The following USP25 variants were observed in gnomAD, a reference collection of about 807,000 sequenced individuals.
The protein encoded by USP25 is ubiquitin carboxyl-terminal hydrolase 25.
In USP25, 85 loss-of-function variants were observed where a neutral mutation model predicts 158.5. The observed-to-expected ratio is 0.54, with a 90% CI of 0.45 to 0.64. The LOEUF is 0.64. Ranked by LOEUF, USP25 falls within the 30% of genes least tolerant of loss-of-function variation. The pLI, the probability that USP25 is intolerant of heterozygous loss-of-function variation, is 0.00. For synonymous variants in USP25, 464 were observed against 460.4 expected (o/e 1.01, Z -0.10); for missense variants, 1,242 against 1,327.3 (o/e 0.94, Z 1.00).
intron 1 of USP25, among the ~76,000 whole-genome samples, chr21:15,746,824 A>G (rs1301654419): frequency 6.6e-6 from 1 of 152,222 alleles, no homozygotes; most frequent in Non-Finnish European, 1.5e-5. Flanking sequence ...TACCACTTTT[A>G]TTCATTTTAA....
rs190410827 is a variant in USP25 at position 15,853,521 on chromosome 21, C to T, written c.2547+3649C>T. Among the ~76,000 whole-genome samples the T allele has an allele frequency of 1.5e-3, 221 of 152,146 alleles. 2 individuals are homozygous for T. Among genetic ancestry groups the T allele is most frequent in the East Asian group, 3.1e-3 (16 of 5,188 alleles). On this transcript the variant is annotated intron_variant, in intron 20 of 25. Coordinates refer to ENST00000400183, the MANE Select transcript of USP25 (RefSeq NM_001283041.3). ...TAAACAGGTTTTAAAATAGTATGTT[C>T]GTTTTCCTACTTTATGGATTTTTTT...
intron 10 of USP25, among the ~76,000 whole-genome samples, chr21:15,823,144 G>A (rs2037318924): frequency 6.6e-6 from 1 of 152,022 alleles, no homozygotes; most frequent in South Asian, 2.1e-4. Context: ...ACACACAATA[G>A]ATTATGCAGC....
chr21:15,863,139 T>C (rs945076686), intron 20 of USP25, among the ~76,000 whole-genome samples: 2 of 152,088 alleles, frequency 1.3e-5, no homozygotes, highest in Non-Finnish European at 1.5e-5. Flanking sequence ...TATGGTCCTC[T>C]TGTACATAGC....
At chr21:15,752,296 A>ACC (rs1169138029) in intron 1 of USP25, among the ~76,000 whole-genome samples, 1 of 150,102 alleles carries the variant, frequency 6.7e-6, no homozygotes, top group Non-Finnish European at 1.5e-5. Flanking sequence ...ACTCACTGCA[A>ACC]CCTCCACCTC....
intron 5 of USP25, among the ~76,000 whole-genome samples, chr21:15,796,395 T>C (rs1344473005): frequency 6.6e-6 from 1 of 151,422 alleles, no homozygotes; most frequent in East Asian, 1.9e-4. Flanking sequence ...CATCACAGAG[T>C]ACTAAAGCAG....
chr21:15,878,012 T>TA lies in USP25; in HGVS notation c.3205+22dup, dbSNP rs781675651. On this transcript the variant is annotated intron_variant, in intron 25 of 25. Coordinates refer to ENST00000400183, the MANE Select transcript of USP25 (RefSeq NM_001283041.3). ...GGAACGTAAGTTTAAACAATGGTAGTAGGCACCTGAGATGTCCGGATTAAA... is the reference window on the plus strand; with the variant it reads ...GGAACGTAAGTTTAAACAATGGTAGTAAGGCACCTGAGATGTCCGGATTAAA... 2.4e-5 allele frequency: 38 copies of TA among 1,585,594 alleles called. 1 individual carries two copies. The South Asian group carries it at 4.1e-4, about 17-fold the overall frequency.
chr21:15,836,116 C>T (rs1303340993), intron 17 of USP25, among the ~76,000 whole-genome samples: 1 of 152,102 alleles, frequency 6.6e-6, no homozygotes, highest in African/African-American at 2.4e-5. Context: ...CAGGTGTTCA[C>T]TAGTATTACC....
At chr21:15,741,813 A>AT (rs1002406319) in intron 1 of USP25, among the ~76,000 whole-genome samples, 4 of 152,066 alleles carry the variant, frequency 2.6e-5, no homozygotes, top group African/African-American at 9.7e-5. Context: ...AGATTGCACA[A>AT]TTTTTTTTGT....
chr21:15,867,587 ACAT>A (rs2039711390), intron 22 of USP25, among the ~76,000 whole-genome samples: 1 of 152,176 alleles, frequency 6.6e-6, no homozygotes, highest in South Asian at 2.1e-4. Flanking sequence ...AGAAACAAAG[ACAT>A]CATTATTTGT....
chr21:15,756,317 G>A (rs1015456844), intron 1 of USP25, among the ~76,000 whole-genome samples: 1 of 152,162 alleles, frequency 6.6e-6, no homozygotes, highest in Non-Finnish European at 1.5e-5. Flanking sequence ...GGAGGCAGGA[G>A]AATGTTGGAG....
rs148290205 is a variant in USP25, at chr21:15,841,876, G to T, written c.2195-522G>T. On this transcript the variant is annotated intron_variant, in intron 17 of 25. Coordinates refer to ENST00000400183, the MANE Select transcript of USP25 (RefSeq NM_001283041.3). ...TCTGGAACTCAAAAGATGGATAGGA[G>T]ATATCGTGAATTTTTATTGGTACCA... 4.4e-3 allele frequency among the ~76,000 whole-genome samples: 670 copies of T among 152,264 alleles called. 3 individuals carry two copies. Among genetic ancestry groups the T allele is most frequent in the Admixed American group, 9.0e-3 (138 of 15,290 alleles).
At chr21:15,790,113 C>A (rs1263808360) in intron 4 of USP25, among the ~76,000 whole-genome samples, 1 of 151,860 alleles carries the variant, frequency 6.6e-6, no homozygotes, top group African/African-American at 2.4e-5. Flanking sequence ...GTAGAATGTT[C>A]TAGATATTCT....
In USP25 at chr21:15,766,113, C is replaced by T. The variant is rs2034024528; in HGVS notation, c.240C>T (p.Tyr80=). 4 of 1,606,862 alleles carry T rather than the reference C, an allele frequency of 2.5e-6. No homozygotes were observed. The highest frequency in any genetic ancestry group is 3.4e-6 in the Non-Finnish European group (4 of 1,177,132). The change falls in exon 3 of 26, where the codon TAC becomes TAT. Residue 80 remains tyrosine, a synonymous_variant. Coordinates refer to ENST00000400183, the MANE Select transcript of USP25 (RefSeq NM_001283041.3). The surrounding 1 kb of genome is among the most constrained non-coding windows in gnomAD (Gnocchi z 4.0). ...YQTALPGNDR[Y]ISVGSQADTN... is the part of the protein sequence containing the mutation. ...CAGCACTTCCTGGCAATGATAGATA[C>T]ATCAGTGTGGGAAGCCAAGCAGATA...
intron 18 of USP25, among the ~76,000 whole-genome samples, chr21:15,842,987 A>G (rs1326596552): frequency 3.3e-5 from 5 of 152,142 alleles, no homozygotes; most frequent in African/African-American, 1.2e-4. Flanking sequence ...AGTATTATTT[A>G]AAACTACTAG....
intron 20 of USP25, among the ~76,000 whole-genome samples, chr21:15,858,552 T>C (rs2039269834): frequency 6.6e-6 from 1 of 152,090 alleles, no homozygotes; most frequent in African/African-American, 2.4e-5. Context: ...ATTGAACTCT[T>C]TGTTTTCTAA....
chr21:15,849,930 A>G, intron 20 of USP25, 58 bp downstream of exon 20: 1 of 1,278,298 alleles, frequency 7.8e-7, no homozygotes, highest in Non-Finnish European at 1.1e-6. Context: ...ACTTCTTAAA[A>G]TATTTTATTT....
intron 1 of USP25, among the ~76,000 whole-genome samples, chr21:15,761,847 A>C (rs546355585): frequency 6.6e-6 from 1 of 152,178 alleles, no homozygotes; most frequent in Non-Finnish European, 1.5e-5. Flanking sequence ...CTTTTTAATA[A>C]ACTTTCACTC....
At chr21:15,767,268 A>G (rs1171026598) in intron 3 of USP25, among the ~76,000 whole-genome samples, 1 of 151,880 alleles carries the variant, frequency 6.6e-6, no homozygotes, top group African/African-American at 2.4e-5. Context: ...CTGTCTTTAC[A>G]TTTGCTGTTC....
intron 3 of USP25, among the ~76,000 whole-genome samples, chr21:15,768,853 C>G (rs926264088): frequency 6.6e-6 from 1 of 151,978 alleles, no homozygotes; most frequent in Non-Finnish European, 1.5e-5. Context: ...GGTATAAAAT[C>G]TCTTAAAACC....
Sources: allele counts gnomAD v4.1 joint callset (sites outside exome capture counted in the v4.1 genomes callset), GRCh38; gene constraint gnomAD v4.1.1; non-coding constraint Gnocchi (gnomAD v3.1); transcripts MANE v1.5; gene names NCBI Gene and HGNC (gene_info 2026-07-23, HGNC 2026-07-21).